Variants in SHANK2 observed in about 807,000 individuals in gnomAD.
SHANK2 encodes the protein SH3 and multiple ankyrin repeat domains protein 2.
A neutral mutation model predicts 133.7 loss-of-function variants in SHANK2; 43 were observed. That is an observed-to-expected ratio of 0.32 (90% CI 0.25 to 0.41). The LOEUF (loss-of-function observed/expected upper bound fraction) is 0.41, where lower values mean the gene tolerates loss of function less well. SHANK2 is among the 10% of genes least tolerant of loss of function. The probability of loss-of-function intolerance (pLI) is 1.00; values close to 1 mark genes in which losing one functional copy is unlikely to be tolerated. For synonymous variants in SHANK2, 1,017 were observed against 952.8 expected (o/e 1.07, Z -1.24); for missense variants, 1,994 against 2,235.8 (o/e 0.89, Z 2.18).
chr11:71,087,965 T>C (rs1412893048), intron 8 of SHANK2, among the ~76,000 whole-genome samples: 2 of 152,190 alleles, frequency 1.3e-5, no homozygotes, highest in Non-Finnish European at 2.9e-5. Flanking sequence ...GCCTCTGTCC[T>C]GTGCCTGGAG....
chr11:70,514,567 TA>T (rs2059243025), intron 17 of SHANK2, among the ~76,000 whole-genome samples: 1 of 152,090 alleles, frequency 6.6e-6, no homozygotes, highest in African/African-American at 2.4e-5. Flanking sequence ...ACATGACAAT[TA>T]TAGAATAAAG....
At chr11:70,897,751 A>G (rs192205022) in intron 10 of SHANK2, among the ~76,000 whole-genome samples, 75 of 152,202 alleles carry the variant, frequency 4.9e-4, no homozygotes, top group African/African-American at 1.7e-3. Flanking sequence ...TTCCTTACTT[A>G]GGGCATCTGT....
intron 12 of SHANK2, among the ~76,000 whole-genome samples, chr11:70,818,128 C>G (rs1368997432): frequency 6.6e-6 from 1 of 152,174 alleles, no homozygotes; most frequent in African/African-American, 2.4e-5. Flanking sequence ...AGCGTGTATG[C>G]AGGAGGCCAG....
At chr11:70,542,633 T>C (rs1344882040) in intron 17 of SHANK2, among the ~76,000 whole-genome samples, 1 of 152,154 alleles carries the variant, frequency 6.6e-6, no homozygotes, top group East Asian at 1.9e-4. Flanking sequence ...ACCTCCACTC[T>C]AACCATCAGG....
chr11:70,704,122 G>A (rs992432222), intron 14 of SHANK2, among the ~76,000 whole-genome samples: 2 of 152,248 alleles, frequency 1.3e-5, no homozygotes, highest in African/African-American at 4.8e-5. Context: ...CACAGGGCTC[G>A]GGAGGAAGAA....
At chr11:70,812,814 T>C (rs1948307096) in intron 12 of SHANK2, among the ~76,000 whole-genome samples, 1 of 152,204 alleles carries the variant, frequency 6.6e-6, no homozygotes, top group Non-Finnish European at 1.5e-5. Flanking sequence ...GTTTTCCTTA[T>C]GTTCTGGCCA....
At chr11:70,647,691 T>A (rs1555008868) in intron 17 of SHANK2, 1 of 152,258 alleles carries the variant, frequency 6.6e-6, no homozygotes, top group African/African-American at 2.4e-5. Context: ...GCAGTCTGTA[T>A]CATGCTGCTC....
chr11:71,061,372 C>T (rs1400826045), intron 9 of SHANK2, among the ~76,000 whole-genome samples: 6 of 152,242 alleles, frequency 3.9e-5, no homozygotes, highest in Admixed American at 2.0e-4. Context: ...GAAATGACCA[C>T]GCTGGCAGGA....
At chr11:71,139,150 A>T (rs2135373092) in intron 3 of SHANK2, among the ~76,000 whole-genome samples, 1 of 152,256 alleles carries the variant, frequency 6.6e-6, no homozygotes, top group South Asian at 2.1e-4. Flanking sequence ...ATTTTCCCTG[A>T]GCGTCTGCTG....
chr11:70,570,485 A>G (rs2060032135), intron 17 of SHANK2: 1 of 152,248 alleles, frequency 6.6e-6, no homozygotes, highest in Non-Finnish European at 1.5e-5. Flanking sequence ...CAGGCTCCCC[A>G]GGGAGGCCTT....
intron 17 of SHANK2, among the ~76,000 whole-genome samples, chr11:70,544,416 G>C (rs144329905): frequency 3.3e-5 from 5 of 152,346 alleles, no homozygotes; most frequent in African/African-American, 9.6e-5. Flanking sequence ...GGGTTTGGAG[G>C]GGGGCAAGGC....
chr11:71,213,247 A>G (rs1387758937), intron 2 of SHANK2, among the ~76,000 whole-genome samples: 2 of 152,174 alleles, frequency 1.3e-5, no homozygotes, highest in East Asian at 3.9e-4. Context: ...ACAGAGGCAG[A>G]TATTTCCCAC....
chr11:70,631,390 A>ACACACC (rs1310998441), intron 17 of SHANK2, among the ~76,000 whole-genome samples: 1 of 148,652 alleles, frequency 6.7e-6, no homozygotes, highest in Non-Finnish European at 1.5e-5. Context: ...ACACACACAC[A>ACACACC]CACACACACA....
chr11:71,128,471 G>A (rs1952232372), intron 3 of SHANK2, among the ~76,000 whole-genome samples: 1 of 152,110 alleles, frequency 6.6e-6, no homozygotes, highest in South Asian at 2.1e-4. Flanking sequence ...TGATGGAGTG[G>A]GACAGGGGCT....
intron 17 of SHANK2, among the ~76,000 whole-genome samples, chr11:70,525,856 C>T (rs1426535615): frequency 2.0e-5 from 3 of 151,940 alleles, no homozygotes; most frequent in Non-Finnish European, 2.9e-5. Flanking sequence ...CAGAAGCTTC[C>T]TTCCCCCTCC....
At chr11:70,577,504 G>C (rs1270531791) in intron 17 of SHANK2, among the ~76,000 whole-genome samples, 1 of 152,240 alleles carries the variant, frequency 6.6e-6, no homozygotes, top group East Asian at 1.9e-4. Flanking sequence ...AATTGAGCCA[G>C]GTAACAGGCG....
intron 14 of SHANK2, among the ~76,000 whole-genome samples, chr11:70,774,124 A>G (rs1555043407): frequency 6.6e-6 from 1 of 152,246 alleles, no homozygotes; most frequent in Non-Finnish European, 1.5e-5. Flanking sequence ...CAACTCAGCC[A>G]TAAGAAGCAG....
chr11:70,667,674 C>T (rs1944703893), intron 15 of SHANK2, among the ~76,000 whole-genome samples: 1 of 152,194 alleles, frequency 6.6e-6, no homozygotes, highest in Admixed American at 6.5e-5. Flanking sequence ...TTAACAAGCT[C>T]CCTTGGCAGC....
intron 6 of SHANK2, among the ~76,000 whole-genome samples, chr11:71,095,487 G>T (rs147333180): frequency 2.0e-5 from 3 of 152,182 alleles, no homozygotes; most frequent in Non-Finnish European, 2.9e-5. Flanking sequence ...GGCTCTTAAC[G>T]TTCCAGAAAA....
Sources: gnomAD v4.1 joint callset for allele counts (sites outside exome capture counted in the v4.1 genomes callset) on GRCh38, gnomAD v4.1.1 for gene constraint, MANE v1.5 for transcripts, NCBI Gene and HGNC (gene_info 2026-07-23, HGNC 2026-07-21) for gene names.